HDAC9: variants seen among roughly 807,000 people sequenced by gnomAD.
HDAC9 encodes histone deacetylase 9.
HDAC9 carries 41 observed loss-of-function variants against 139.4 expected under a neutral mutation model. The observed-to-expected ratio is 0.29, with a 90% CI of 0.23 to 0.38. HDAC9 has a LOEUF of 0.38. Among genes scored for constraint, HDAC9 ranks in the 10% least tolerant of loss-of-function variants. The probability of loss-of-function intolerance (pLI) is 1.00; values close to 1 mark genes in which losing one functional copy is unlikely to be tolerated. For synonymous variants in HDAC9, 517 were observed against 476.2 expected, an observed-to-expected ratio of 1.09 and a Z score of -1.12; for missense variants, 1,147 against 1,297.0, an observed-to-expected ratio of 0.88 and a Z score of 1.78.
chr7:18,900,213 C>A (rs1427143313), intron 22 of HDAC9, among the ~76,000 whole-genome samples: 1 of 152,152 alleles, frequency 6.6e-6, no homozygotes, highest in African/African-American at 2.4e-5. Flanking sequence ...CACAGGTGCA[C>A]ACACACTAAT....
At chr7:18,241,928 G>C (rs934425718) in intron 2 of HDAC9, among the ~76,000 whole-genome samples, 10 of 152,210 alleles carry the variant, frequency 6.6e-5, no homozygotes, top group African/African-American at 2.4e-4. Flanking sequence ...GGATTGGGCT[G>C]CTTCTGTTAT....
At chr7:18,647,712 G>C in intron 9 of HDAC9, 73 bp from the exon 10 acceptor site, 1 of 1,282,626 alleles carries the variant, frequency 7.8e-7, no homozygotes, top group Non-Finnish European at 1.1e-6. Context: ...TAGGAAACTT[G>C]TCTAATGATT....
rs188124437 is a variant in HDAC9 at position 18,117,246 on chromosome 7, G to A, written c.-97+30033G>A. 2.8e-3 allele frequency among the ~76,000 whole-genome samples: 421 copies of A among 152,044 alleles called. 1 individual carries two copies. Among genetic ancestry groups the A allele is most frequent in the Non-Finnish European group, 2.7e-3 (186 of 67,970 alleles). On this transcript the variant is annotated intron_variant, in intron 1 of 12. Coordinates refer to the HDAC9 transcript ENST00000417496. ...GGTGGCCTATCAATCCAATATGACT[G>A]GTATCCTTATAAAAAAGAAGAGAAG...
At chr7:18,620,306 A>G (rs1165788567) in intron 6 of HDAC9, among the ~76,000 whole-genome samples, 1 of 152,136 alleles carries the variant, frequency 6.6e-6, no homozygotes, top group Non-Finnish European at 1.5e-5. Context: ...TAACTATAAA[A>G]TAATTAGAAT....
chr7:18,621,736 A>C (rs369902535), intron 6 of HDAC9, among the ~76,000 whole-genome samples: 24 of 152,308 alleles, frequency 1.6e-4, no homozygotes, highest in African/African-American at 5.8e-4. Flanking sequence ...TTAAAGGTTC[A>C]TTTTATCCCA....
chr7:18,683,144 A>C lies in HDAC9; in HGVS notation c.1731+16668A>C, dbSNP rs535465257. 6.6e-5 allele frequency among the ~76,000 whole-genome samples: 10 copies of C among 152,188 alleles called. No homozygotes were observed. The East Asian group carries it at 1.9e-3, about 30-fold the overall frequency. ...ACAAAAAACGAATAACAATAGTGAA[A>C]GTAATTGTGCAATTTCAAATAGAGA... On this transcript the variant is annotated intron_variant, in intron 12 of 25. Transcript: ENST00000686413.
intron 21 of HDAC9, among the ~76,000 whole-genome samples, chr7:18,844,965 C>A (rs973952536): frequency 6.6e-6 from 1 of 152,044 alleles, no homozygotes; most frequent in African/African-American, 2.4e-5. Flanking sequence ...GGCTTCCTTT[C>A]CGGTAAATAT....
intron 11 of HDAC9, among the ~76,000 whole-genome samples, chr7:18,660,884 C>T (rs149017311): frequency 8.1e-4 from 123 of 152,058 alleles, no homozygotes; most frequent in Middle Eastern, 3.4e-3. Flanking sequence ...GCCAGGTTGT[C>T]GAAAGTCTAT....
intron 2 of HDAC9, among the ~76,000 whole-genome samples, chr7:18,508,044 C>A (rs1800339935): frequency 6.6e-6 from 1 of 152,010 alleles, no homozygotes; most frequent in Admixed American, 6.6e-5. Context: ...TTTTTTCACC[C>A]AAAACTGTTT....
intron 2 of HDAC9, among the ~76,000 whole-genome samples, chr7:18,278,438 A>G (rs369387234): frequency 1.3e-5 from 2 of 152,348 alleles, no homozygotes; most frequent in Non-Finnish European, 2.9e-5. Context: ...TAGTATAAAT[A>G]GCTTTGCTGA....
chr7:18,687,697 A>C (rs1048496067), intron 12 of HDAC9, among the ~76,000 whole-genome samples: 4 of 151,926 alleles, frequency 2.6e-5, no homozygotes, highest in African/African-American at 9.7e-5. Flanking sequence ...TAATTAATGG[A>C]CTAGGCTATC....
chr7:18,797,583 T>C (rs1159085865), intron 17 of HDAC9, among the ~76,000 whole-genome samples: 1 of 152,122 alleles, frequency 6.6e-6, no homozygotes, highest in Non-Finnish European at 1.5e-5. Flanking sequence ...ATCCCAGCAC[T>C]TTGGGAGGCT....
At chr7:18,255,025 CTT>C (rs1230062969) in intron 2 of HDAC9, among the ~76,000 whole-genome samples, 1 of 152,088 alleles carries the variant, frequency 6.6e-6, no homozygotes, top group African/African-American at 2.4e-5. Flanking sequence ...ATAAAAGTGA[CTT>C]GTTTCATAAG....
chr7:18,936,636 A>G (rs1288344357), intron 23 of HDAC9, among the ~76,000 whole-genome samples: 1 of 152,230 alleles, frequency 6.6e-6, no homozygotes, highest in East Asian at 1.9e-4. Flanking sequence ...CAAAGTTTCT[A>G]TGTATTCATT....
chr7:18,585,652 A>G, intron 3 of HDAC9, 130 bp downstream of exon 3: 5 of 1,220,850 alleles, frequency 4.1e-6, no homozygotes, highest in Non-Finnish European at 5.6e-6. Context: ...CTTGAAGGGA[A>G]TTGTGATTTT....
chr7:18,913,726 A>G (rs1264223447), intron 22 of HDAC9, among the ~76,000 whole-genome samples: 1 of 139,780 alleles, frequency 7.2e-6, no homozygotes, highest in Non-Finnish European at 1.6e-5. Context: ...GAAGATAAGA[A>G]TTTAAAAAGA....
chr7:18,331,200 T>C (rs967581752), intron 1 of HDAC9, among the ~76,000 whole-genome samples: 16 of 151,696 alleles, frequency 1.1e-4, no homozygotes, highest in Admixed American at 8.6e-4. Flanking sequence ...ATCATTCCCA[T>C]CAGTCATATT....
intron 22 of HDAC9, among the ~76,000 whole-genome samples, chr7:18,905,639 G>A (rs1802165774): frequency 6.6e-6 from 1 of 152,092 alleles, no homozygotes; most frequent in African/African-American, 2.4e-5. Flanking sequence ...AAACAAACCT[G>A]CAAGTTTTTG....
At chr7:18,571,295 G>C (rs1583517034) in intron 2 of HDAC9, among the ~76,000 whole-genome samples, 1 of 152,146 alleles carries the variant, frequency 6.6e-6, no homozygotes, top group African/African-American at 2.4e-5. Context: ...AAACAGTAAT[G>C]TAATTTGCCT....
Sources: allele counts gnomAD v4.1 joint callset (sites outside exome capture counted in the v4.1 genomes callset), GRCh38; gene constraint gnomAD v4.1.1; transcripts MANE v1.5; gene names NCBI Gene and HGNC (gene_info 2026-07-23, HGNC 2026-07-21).